The following DTNB variants were observed in gnomAD, a reference collection of about 807,000 sequenced individuals.
DTNB encodes the protein dystrobrevin beta.
Under a neutral mutation model 90.7 loss-of-function variants are expected in DTNB, and 63 were observed. The observed-to-expected ratio is 0.69, with a 90% CI of 0.57 to 0.86. The LOEUF (loss-of-function observed/expected upper bound fraction) is 0.86. Ranked by LOEUF, DTNB falls within the 40% of genes least tolerant of loss-of-function variation. DTNB has a pLI of 0.00. For synonymous variants in DTNB, 277 were observed against 286.7 expected, an observed-to-expected ratio of 0.97 and a Z score of 0.34; for missense variants, 744 against 807.1, an observed-to-expected ratio of 0.92 and a Z score of 0.95.
At chr2:25,593,669 A>G (rs1190845090) in intron 6 of DTNB, among the ~76,000 whole-genome samples, 3 of 152,242 alleles carry the variant, frequency 2.0e-5, no homozygotes, top group Non-Finnish European at 4.4e-5. Context: ...TATGTATGTC[A>G]TAAGGTTAAT....
chr2:25,662,168 A>C (rs529111505), intron 1 of DTNB, among the ~76,000 whole-genome samples: 4 of 151,160 alleles, frequency 2.6e-5, no homozygotes, highest in Non-Finnish European at 4.4e-5. Context: ...AAAAAAAAAA[A>C]CAAAAAAAAC....
rs2038627286 is a variant in DTNB, at chr2:25,383,817, C to A, written c.1879+19G>T. ...CGGGCTCCCCATTTAAACGAGCAGT[C>A]CTGCTGAGCTGCCTTTACCTCTGTC... On this transcript the variant is annotated intron_variant, in intron 19 of 20. Transcript: ENST00000406818. 1 of 1,614,040 alleles carries A rather than the reference C, an allele frequency of 6.2e-7. No individual in the cohort carries two copies. Among genetic ancestry groups the A allele is most frequent in the Non-Finnish European group, 8.5e-7 (1 of 1,179,896 alleles).
chr2:25,506,886 A>G (rs1466142244), intron 9 of DTNB, among the ~76,000 whole-genome samples: 2 of 152,212 alleles, frequency 1.3e-5, no homozygotes, highest in Non-Finnish European at 2.9e-5. Context: ...AATCATTATC[A>G]TACAGAATAT....
intron 9 of DTNB, among the ~76,000 whole-genome samples, chr2:25,518,520 A>C (rs1205580465): frequency 2.0e-5 from 3 of 152,072 alleles, no homozygotes; most frequent in Non-Finnish European, 4.4e-5. Flanking sequence ...GAGGTACCAC[A>C]CATATATATG....
intron 2 of DTNB, among the ~76,000 whole-genome samples, chr2:25,641,375 G>A (rs2078266727): frequency 6.6e-6 from 1 of 152,160 alleles, no homozygotes; most frequent in African/African-American, 2.4e-5. Flanking sequence ...CCATATGTCT[G>A]CCTTTTTCTG....
chr2:25,639,110 CAG>C lies in DTNB; in HGVS notation c.68-18_68-17del, dbSNP rs1191618396. 1 of 1,555,436 alleles carries C rather than the reference CAG, an allele frequency of 6.4e-7. No homozygotes were observed. Among genetic ancestry groups the C allele is most frequent in the Admixed American group, 1.9e-5 (1 of 53,396 alleles). ...TTCTGAGCACCTGAAAAAAGGCAAA[CAG>C]AAATGCTCAACTAGATTTACCATTT... On this transcript the variant is annotated splice_polypyrimidine_tract_variant and intron_variant, in intron 2 of 20. Coordinates refer to ENST00000406818, the MANE Select transcript of DTNB (RefSeq NM_021907.5).
intron 6 of DTNB, among the ~76,000 whole-genome samples, chr2:25,591,790 C>G (rs539113240): frequency 6.6e-6 from 1 of 152,148 alleles, no homozygotes; most frequent in Admixed American, 6.5e-5. Context: ...GCCAGGTGCA[C>G]TGGCTCACAC....
chr2:25,630,662 T>C (rs990626333), intron 3 of DTNB, among the ~76,000 whole-genome samples: 1 of 151,920 alleles, frequency 6.6e-6, no homozygotes, highest in African/African-American at 2.4e-5. Flanking sequence ...CTGGCCAACA[T>C]GGAGAAACCC....
At chr2:25,416,907 GTCAC>G (rs2048137697) in intron 16 of DTNB, among the ~76,000 whole-genome samples, 1 of 152,132 alleles carries the variant, frequency 6.6e-6, no homozygotes, top group Non-Finnish European at 1.5e-5. Context: ...GTTTTGGCCT[GTCAC>G]TCAATAATGG....
intron 1 of DTNB, among the ~76,000 whole-genome samples, chr2:25,662,919 A>G (rs2083552948): frequency 1.3e-5 from 2 of 152,166 alleles, no homozygotes; most frequent in South Asian, 4.1e-4. Context: ...TTTTACTTTA[A>G]GTTCTGCGAT....
At chr2:25,660,018 T>C (rs1328732984) in intron 1 of DTNB, among the ~76,000 whole-genome samples, 2 of 151,616 alleles carry the variant, frequency 1.3e-5, no homozygotes, top group Non-Finnish European at 2.9e-5. Context: ...ACCACAGTAA[T>C]AAAAAAAACA....
At chr2:25,475,002 A>G (rs1470276805) in intron 10 of DTNB, among the ~76,000 whole-genome samples, 2 of 152,152 alleles carry the variant, frequency 1.3e-5, no homozygotes, top group Non-Finnish European at 2.9e-5. Context: ...CTCTCTTCTC[A>G]GGCCTCCCTA....
intron 9 of DTNB, among the ~76,000 whole-genome samples, chr2:25,499,924 C>G (rs2070089019): frequency 6.6e-6 from 1 of 152,114 alleles, no homozygotes; most frequent in Non-Finnish European, 1.5e-5. Context: ...GAGACAGGGT[C>G]TTGCTCTTTC....
At chr2:25,432,506 G>A (rs2054245892) in intron 14 of DTNB, among the ~76,000 whole-genome samples, 1 of 152,192 alleles carries the variant, frequency 6.6e-6, no homozygotes, top group Non-Finnish European at 1.5e-5. Context: ...AAAGTGCCAG[G>A]AGAATATACT....
At chr2:25,483,859 A>G (rs1414130886) in intron 9 of DTNB, among the ~76,000 whole-genome samples, 2 of 152,372 alleles carry the variant, frequency 1.3e-5, no homozygotes, top group East Asian at 3.9e-4. Flanking sequence ...AATGATGTTT[A>G]GGTCAATGAC....
chr2:25,452,888 A>T (rs970221986), intron 11 of DTNB, among the ~76,000 whole-genome samples: 1 of 152,112 alleles, frequency 6.6e-6, no homozygotes, highest in Non-Finnish European at 1.5e-5. Context: ...ATCCATCTTC[A>T]GGATGATCAC....
chr2:25,660,775 T>C (rs1482820003), intron 1 of DTNB, among the ~76,000 whole-genome samples: 1 of 152,236 alleles, frequency 6.6e-6, no homozygotes, highest in Non-Finnish European at 1.5e-5. Flanking sequence ...AGTTTTGTTT[T>C]TTTCTATCGT....
intron 11 of DTNB, among the ~76,000 whole-genome samples, chr2:25,453,869 C>T (rs951671230): frequency 1.3e-5 from 2 of 152,152 alleles, no homozygotes; most frequent in Admixed American, 6.5e-5. Flanking sequence ...ACTTCTCAGC[C>T]GGGCGTAGTG....
chr2:25,671,522 T>C (rs1032864970), intron 1 of DTNB, among the ~76,000 whole-genome samples: 3 of 152,162 alleles, frequency 2.0e-5, no homozygotes, highest in African/African-American at 7.2e-5. Flanking sequence ...TCCTATACAA[T>C]GCCAGATTTT....
Sources: gnomAD v4.1 joint callset for allele counts (sites outside exome capture counted in the v4.1 genomes callset) on GRCh38, gnomAD v4.1.1 for gene constraint, MANE v1.5 for transcripts, NCBI Gene and HGNC (gene_info 2026-07-23, HGNC 2026-07-21) for gene names.